Variants in MYO16 observed in about 807,000 individuals in gnomAD.
MYO16 encodes unconventional myosin-XVI.
In MYO16, 94 loss-of-function variants were observed where a neutral mutation model predicts 205.3. The ratio of observed to expected loss-of-function variants is 0.46; its 90% CI spans 0.39 to 0.54. The LOEUF is 0.54. Among genes scored for constraint, MYO16 ranks in the 20% least tolerant of loss-of-function variants. MYO16 has a pLI of 0.00. For synonymous variants in MYO16, 988 were observed against 954.0 expected (o/e 1.04, Z -0.66); for missense variants, 2,315 against 2,387.5 (o/e 0.97, Z 0.63).
chr13:108,715,226 G>C (rs944107784), intron 3 of MYO16, among the ~76,000 whole-genome samples: 1 of 152,128 alleles, frequency 6.6e-6, no homozygotes, highest in Admixed American at 6.5e-5. Context: ...GCTCTTGCCG[G>C]GTTTCCACCC....
chr13:108,913,211 C>T (rs1881344215), intron 16 of MYO16, among the ~76,000 whole-genome samples: 1 of 152,142 alleles, frequency 6.6e-6, no homozygotes, highest in South Asian at 2.1e-4. Context: ...GGGTGCAAAA[C>T]AACATTTTCC....
chr13:108,750,971 A>G (rs747921633), intron 4 of MYO16, among the ~76,000 whole-genome samples: 2 of 152,170 alleles, frequency 1.3e-5, no homozygotes, highest in Non-Finnish European at 2.9e-5. Flanking sequence ...AGAGTTGACA[A>G]TATCAGTATG....
chr13:109,155,622 T>A (rs950395814), intron 32 of MYO16, among the ~76,000 whole-genome samples: 5 of 152,240 alleles, frequency 3.3e-5, no homozygotes, highest in Non-Finnish European at 5.9e-5. Flanking sequence ...CCCAGTTCTC[T>A]TCCCAGATCT....
intron 16 of MYO16, among the ~76,000 whole-genome samples, chr13:108,930,642 G>T (rs1363990733): frequency 2.0e-5 from 3 of 152,056 alleles, no homozygotes; most frequent in African/African-American, 7.2e-5. Flanking sequence ...AGTTCCCAAG[G>T]AGATACCACC....
intron 13 of MYO16, among the ~76,000 whole-genome samples, chr13:108,887,655 A>G (rs1459341282): frequency 6.6e-6 from 1 of 152,224 alleles, no homozygotes; most frequent in Non-Finnish European, 1.5e-5. Context: ...TCTTTCCTAG[A>G]TTAAAGAAAA....
chr13:108,654,073 C>G (rs1050231332), intron 1 of MYO16, among the ~76,000 whole-genome samples: 3 of 151,824 alleles, frequency 2.0e-5, no homozygotes, highest in Non-Finnish European at 4.4e-5. Flanking sequence ...TTGTGTAGGT[C>G]TCTCAGTGAC....
chr13:108,531,787 G>A, the MYO16 span, among the ~76,000 whole-genome samples: 2 of 152,108 alleles, frequency 1.3e-5, no homozygotes, highest in South Asian at 2.1e-4. Flanking sequence ...GGCTCACTTA[G>A]GGATATAGAA....
chr13:108,849,619 TTGTGTGTGTGTGTGTGTGTGTGTG>T (rs60404877), intron 10 of MYO16, among the ~76,000 whole-genome samples: 2 of 83,900 alleles, frequency 2.4e-5, no homozygotes, highest in African/African-American at 5.0e-5. Flanking sequence ...ATTTCCTCTT[TTGTGTGTGTGTGTGTGTGTGTGTG>T]TGTGTGTGTG....
At chr13:108,924,524 G>C (rs1881895390) in intron 16 of MYO16, among the ~76,000 whole-genome samples, 1 of 152,218 alleles carries the variant, frequency 6.6e-6, no homozygotes, top group Non-Finnish European at 1.5e-5. Flanking sequence ...CATTATTCAA[G>C]TCAGGTACTT....
intron 13 of MYO16, among the ~76,000 whole-genome samples, chr13:108,886,851 A>T (rs1408389707): frequency 6.6e-6 from 1 of 152,068 alleles, no homozygotes. Context: ...GTCCTGATAT[A>T]CAGAATGGAA....
chr13:108,934,890 CATTGTTT>C (rs1882411599), intron 16 of MYO16, among the ~76,000 whole-genome samples: 1 of 151,968 alleles, frequency 6.6e-6, no homozygotes, highest in African/African-American at 2.4e-5. Flanking sequence ...GTCCTTTCTC[CATTGTTT>C]ACTTTTGCTG....
intron 9 of MYO16, among the ~76,000 whole-genome samples, chr13:108,831,891 C>G (rs1876640852): frequency 6.6e-6 from 1 of 152,174 alleles, no homozygotes; most frequent in Admixed American, 6.5e-5. Context: ...AGGTTACCAT[C>G]CCTGGGCTGC....
chr13:109,021,732 C>G (rs1886028077), intron 23 of MYO16, among the ~76,000 whole-genome samples: 1 of 152,078 alleles, frequency 6.6e-6, no homozygotes. Context: ...GGTGACATGT[C>G]TAAAAAGATT....
intron 1 of MYO16, among the ~76,000 whole-genome samples, chr13:108,641,775 C>G (rs1880514816): frequency 1.3e-5 from 2 of 152,188 alleles, no homozygotes; most frequent in East Asian, 3.9e-4. Context: ...GAATCCTAAA[C>G]AAGTCTTAAT....
At chr13:109,192,789 A>C (rs917648162) in intron 34 of MYO16, among the ~76,000 whole-genome samples, 1 of 152,194 alleles carries the variant, frequency 6.6e-6, no homozygotes, top group Non-Finnish European at 1.5e-5. Flanking sequence ...TTCTGGCCTC[A>C]ATATGAGCAA....
intron 16 of MYO16, among the ~76,000 whole-genome samples, chr13:108,910,395 T>C (rs1014097511): frequency 2.6e-5 from 4 of 152,142 alleles, no homozygotes; most frequent in African/African-American, 9.7e-5. Context: ...CTTGTGCAGA[T>C]ATAAACTCCT....
intron 15 of MYO16, among the ~76,000 whole-genome samples, chr13:108,906,813 A>G (rs1881000948): frequency 6.6e-6 from 1 of 152,186 alleles, no homozygotes; most frequent in Admixed American, 6.5e-5. Context: ...ACTGATAGGA[A>G]AAATGAAGCC....
At chr13:108,904,815 C>A (rs1880882414) in intron 15 of MYO16, among the ~76,000 whole-genome samples, 1 of 152,106 alleles carries the variant, frequency 6.6e-6, no homozygotes, top group South Asian at 2.1e-4. Context: ...AGGGCCTGTT[C>A]CTGGAAAGGG....
At chr13:108,621,938 C>T (rs1428279912) in intron 1 of MYO16, among the ~76,000 whole-genome samples, 2 of 151,904 alleles carry the variant, frequency 1.3e-5, no homozygotes, top group Non-Finnish European at 2.9e-5. Context: ...ATAAACTAAA[C>T]TTTATCATAG....
Sources: gnomAD v4.1 joint callset for allele counts (sites outside exome capture counted in the v4.1 genomes callset) on GRCh38, gnomAD v4.1.1 for gene constraint, MANE v1.5 for transcripts, NCBI Gene and HGNC (gene_info 2026-07-23, HGNC 2026-07-21) for gene names.